Variants in ANXA4 observed in about 807,000 individuals in gnomAD.
ANXA4 encodes the protein 35-beta calcimedin.
Under a neutral mutation model 49.8 loss-of-function variants are expected in ANXA4, and 39 were observed. That is an observed-to-expected ratio of 0.78 (90% CI 0.61 to 1.02). The LOEUF is 1.02. ANXA4 is among the 50% of genes least tolerant of loss of function. The probability of loss-of-function intolerance (pLI) is 0.00; values close to 1 mark genes in which losing one functional copy is unlikely to be tolerated. For missense variants in ANXA4, 360 were observed against 410.1 expected, an observed-to-expected ratio of 0.88 and a Z score of 1.05; for synonymous variants, 134 against 152.5, an observed-to-expected ratio of 0.88 and a Z score of 0.89.
chr2:69,661,089 A>G (rs775267462), intron 2 of ANXA4, among the ~76,000 whole-genome samples: 6 of 152,180 alleles, frequency 3.9e-5, no homozygotes, highest in Non-Finnish European at 7.3e-5. Context: ...AAGACTTCTC[A>G]TGACAACAAT....
chr2:69,815,853 A>AACCAT, intron 8 of ANXA4: 1 of 454,504 alleles, frequency 2.2e-6, no homozygotes, highest in Non-Finnish European at 4.0e-6. Context: ...CTTAAGATAG[A>AACCAT]ACCATGTAGT....
At chr2:69,786,278 T>C (rs1382752895) in intron 2 of ANXA4, among the ~76,000 whole-genome samples, 1 of 152,166 alleles carries the variant, frequency 6.6e-6, no homozygotes, top group Middle Eastern at 3.2e-3. Flanking sequence ...CATCAGCAAG[T>C]TCTGTCGCCT....
At chr2:69,815,966 A>T in intron 8 of ANXA4, 135 bp from the exon 9 acceptor site, 2 of 674,292 alleles carry the variant, frequency 3.0e-6, no homozygotes, top group East Asian at 2.7e-5. Flanking sequence ...ATTTCCACTC[A>T]CCACTACCAT....
At chr2:69,704,088 A>G (rs1678416071) in intron 2 of ANXA4, among the ~76,000 whole-genome samples, 1 of 152,296 alleles carries the variant, frequency 6.6e-6, no homozygotes, top group Admixed American at 6.5e-5. Flanking sequence ...ATCTTGTAAA[A>G]TGTTGAAAAG....
intron 2 of ANXA4, among the ~76,000 whole-genome samples, chr2:69,785,556 G>GATGATGATT (rs1672379577): frequency 6.6e-6 from 1 of 151,846 alleles, no homozygotes; most frequent in Admixed American, 6.6e-5. Flanking sequence ...TCTCTTTGAT[G>GATGATGATT]ATGATGATGA....
At chr2:69,742,331 G>A (rs1023803327) in intron 1 of ANXA4, among the ~76,000 whole-genome samples, 156 bp downstream of exon 1, 2 of 152,134 alleles carry the variant, frequency 1.3e-5, no homozygotes, top group African/African-American at 2.4e-5. Flanking sequence ...GCCACAGGGT[G>A]GAGGGGGCCA....
chr2:69,663,293 C>CTTTT (rs55970370), intron 2 of ANXA4, among the ~76,000 whole-genome samples: 1,540 of 42,780 alleles, frequency 0.036, 409 homozygotes, highest in Middle Eastern at 0.083. Context: ...TGCACCCGGC[C>CTTTT]TTTTTTTTTT....
In ANXA4 at chr2:69,781,588, TA is replaced by T; in HGVS notation, c.9+15del. ...GTCATGGCCATGGTAAGTTGTGAAA[TA>T]CCTCAACCCTATCTGGTGCCAGCTG... On this transcript the variant is annotated intron_variant, in intron 2 of 12. Coordinates refer to ENST00000394295, the MANE Select transcript of ANXA4 (RefSeq NM_001153.5). 6.2e-7 allele frequency: 1 copy of T among 1,614,008 alleles called. No individual in the cohort carries two copies. Among genetic ancestry groups the T allele is most frequent in the Non-Finnish European group, 8.5e-7 (1 of 1,179,976 alleles).
At chr2:69,683,252 A>G (rs1243222428) in intron 2 of ANXA4, among the ~76,000 whole-genome samples, 3 of 152,234 alleles carry the variant, frequency 2.0e-5, no homozygotes, top group African/African-American at 7.2e-5. Flanking sequence ...TAGGTGAGCT[A>G]TATTTTCTAA....
upstream of ANXA4, among the ~76,000 whole-genome samples, chr2:69,740,380 T>G (rs867244379): frequency 7.2e-5 from 11 of 152,228 alleles, no homozygotes; most frequent in Middle Eastern, 6.8e-3. Flanking sequence ...CTAATCTTGC[T>G]TAAGAAATGA....
chr2:69,769,437 A>G (rs1421769574), intron 1 of ANXA4, among the ~76,000 whole-genome samples: 1 of 152,228 alleles, frequency 6.6e-6, no homozygotes, highest in African/African-American at 2.4e-5. Context: ...TGCTAACTTC[A>G]GGCAAATTAC....
At position 69,826,604 on chromosome 2, in the gene ANXA4, G is replaced by C. The variant is rs1300323807; in HGVS notation, c.*1089G>C. 6.6e-6 allele frequency: 1 copy of C among 152,198 alleles called. No individual in the cohort carries two copies. Among genetic ancestry groups the C allele is most frequent in the Admixed American group, 6.5e-5 (1 of 15,278 alleles). 9.4% of individuals were successfully genotyped at this position (152,198 alleles called of 1,614,324 possible). The stretch of plus-strand genomic sequence containing the variant: ...GTTCAAGACTAGCCTGGCCAACATG[G>C]AGAAACTGCATCTCTACTAAAAATA... On this transcript the variant is annotated 3_prime_UTR_variant, in exon 13 of 13. Transcript: ENST00000394295.
chr2:69,755,733 A>G (rs528765746), intron 1 of ANXA4, among the ~76,000 whole-genome samples: 4 of 152,190 alleles, frequency 2.6e-5, no homozygotes, highest in Non-Finnish European at 4.4e-5. Context: ...TTGTCCTTGT[A>G]TCAGCCCCTG....
chr2:69,739,852 G>A (rs1163142054), upstream of ANXA4, among the ~76,000 whole-genome samples: 5 of 152,110 alleles, frequency 3.3e-5, no homozygotes, highest in African/African-American at 1.2e-4. Context: ...CTGTAGTGAG[G>A]GTATTCTCGA....
At chr2:69,819,119 C>A (rs1674124198) in intron 10 of ANXA4, among the ~76,000 whole-genome samples, 161 bp from the exon 11 acceptor site, 1 of 152,192 alleles carries the variant, frequency 6.6e-6, no homozygotes, top group Non-Finnish European at 1.5e-5. Context: ...TGTGAAAATA[C>A]ATAGAGCATC....
chr2:69,655,315 TCAAA>T (rs748459385), intron 2 of ANXA4, among the ~76,000 whole-genome samples: 31 of 151,854 alleles, frequency 2.0e-4, no homozygotes, highest in Middle Eastern at 3.2e-3. Context: ...TGCAAGGAAC[TCAAA>T]CAAATTTACA....
At chr2:69,681,366 A>ATTTT (rs35246948) in intron 2 of ANXA4, among the ~76,000 whole-genome samples, 2 of 139,234 alleles carry the variant, frequency 1.4e-5, no homozygotes, top group African/African-American at 5.3e-5. Flanking sequence ...TTCATTTCTG[A>ATTTT]TTTTTTTTTT....
At chr2:69,734,187 A>T (rs2105452122) in intron 3 of ANXA4, among the ~76,000 whole-genome samples, 1 of 152,298 alleles carries the variant, frequency 6.6e-6, no homozygotes, top group Admixed American at 6.5e-5. Context: ...GCCAAAGGTT[A>T]TCTGGCCTCT....
intron 2 of ANXA4, among the ~76,000 whole-genome samples, chr2:69,699,849 A>G (rs931603664): frequency 2.6e-5 from 4 of 152,304 alleles, no homozygotes; most frequent in African/African-American, 9.6e-5. Flanking sequence ...TTTTCAGCAC[A>G]TGCTGTGCAG....
Sources: allele counts gnomAD v4.1 joint callset (sites outside exome capture counted in the v4.1 genomes callset), GRCh38; gene constraint gnomAD v4.1.1; transcripts MANE v1.5; gene names NCBI Gene and HGNC (gene_info 2026-07-23, HGNC 2026-07-21).